The following GPC5 variants were observed in gnomAD, a reference collection of about 807,000 sequenced individuals.
GPC5 encodes the protein glypican-5.
GPC5 carries 47 observed loss-of-function variants against 53.9 expected under a neutral mutation model. The ratio of observed to expected loss-of-function variants is 0.87; its 90% CI spans 0.69 to 1.11. The LOEUF (loss-of-function observed/expected upper bound fraction) is 1.11, where lower values mean the gene tolerates loss of function less well. GPC5 is among the 50% of genes most tolerant of loss of function. GPC5 has a pLI of 0.00. For synonymous variants in GPC5, 286 were observed against 263.3 expected (o/e 1.09, Z -0.84); for missense variants, 748 against 713.1 (o/e 1.05, Z -0.56).
chr13:92,464,495 A>G (rs1259423680), intron 7 of GPC5, among the ~76,000 whole-genome samples: 1 of 152,054 alleles, frequency 6.6e-6, no homozygotes, highest in African/African-American at 2.4e-5. Context: ...TTCATCCATT[A>G]ACCCTAAAGA....
At chr13:92,096,792 A>G (rs1447856443) in intron 6 of GPC5, among the ~76,000 whole-genome samples, 2 of 152,200 alleles carry the variant, frequency 1.3e-5, no homozygotes, top group Non-Finnish European at 2.9e-5. Context: ...ATACAGTGGC[A>G]TTTAAAAAAC....
chr13:92,487,234 A>T (rs1879588090), intron 7 of GPC5, among the ~76,000 whole-genome samples: 1 of 152,156 alleles, frequency 6.6e-6, no homozygotes, highest in Non-Finnish European at 1.5e-5. Context: ...CATGCAGTTA[A>T]CAGAATGTTT....
intron 7 of GPC5, among the ~76,000 whole-genome samples, chr13:92,789,497 C>T (rs1005987727): frequency 6.6e-6 from 1 of 152,126 alleles, no homozygotes; most frequent in Admixed American, 6.6e-5. Context: ...TTAACAAACT[C>T]AGGTCATTTA....
Position 91,410,536 on chromosome 13 carries a change from C to T in GPC5, c.163+11327C>T, listed in dbSNP as rs763359173. On this transcript the variant is annotated intron_variant, in intron 1 of 7. Transcript: ENST00000377067. ...AATTTTTTTGTATTTTTAGTAGAGA[C>T]GGGGTTTCACTGTGTTAGCCAGGAT... is the stretch of plus-strand genomic sequence containing the variant. Among the ~76,000 whole-genome samples the T allele has an allele frequency of 2.3e-3, 353 of 151,410 alleles. 1 individual carries two copies. Among genetic ancestry groups the T allele is most frequent in the African/African-American group, 7.6e-3 (314 of 41,354 alleles).
chr13:92,333,160 C>T (rs1355503095), intron 7 of GPC5, among the ~76,000 whole-genome samples: 1 of 152,084 alleles, frequency 6.6e-6, no homozygotes, highest in Non-Finnish European at 1.5e-5. Context: ...TTAAAAACTC[C>T]AGGGGAACCC....
At chr13:92,702,373 A>C (rs72641054) in intron 7 of GPC5, among the ~76,000 whole-genome samples, 10,883 of 152,002 alleles carry the variant, frequency 0.072, 548 homozygotes, top group Admixed American at 0.13. Context: ...CAGCATCTTA[A>C]ATTTCCAAAG....
At chr13:92,589,503 CTTTT>C (rs1309584270) in intron 7 of GPC5, among the ~76,000 whole-genome samples, 1 of 152,098 alleles carries the variant, frequency 6.6e-6, no homozygotes. Context: ...ATCATGATTT[CTTTT>C]ATTTTAAAAT....
At chr13:92,551,097 C>G (rs960225243) in intron 7 of GPC5, among the ~76,000 whole-genome samples, 2 of 151,764 alleles carry the variant, frequency 1.3e-5, no homozygotes, top group African/African-American at 4.8e-5. Flanking sequence ...TAGTTATATT[C>G]ATAGTTATGT....
chr13:92,162,710 A>G (rs1330308906), intron 7 of GPC5, among the ~76,000 whole-genome samples: 1 of 152,198 alleles, frequency 6.6e-6, no homozygotes, highest in African/African-American at 2.4e-5. Flanking sequence ...TCATGTATTA[A>G]AACCTTTCAA....
chr13:92,557,915 C>T (rs1445692379), intron 7 of GPC5, among the ~76,000 whole-genome samples: 5 of 151,894 alleles, frequency 3.3e-5, no homozygotes, highest in Non-Finnish European at 5.9e-5. Flanking sequence ...CCTGGAATAT[C>T]AGAAAATGTT....
chr13:91,421,750 C>G (rs928752544), intron 1 of GPC5, among the ~76,000 whole-genome samples: 1 of 152,202 alleles, frequency 6.6e-6, no homozygotes, highest in Non-Finnish European at 1.5e-5. Flanking sequence ...TTTACTAACA[C>G]CTTTTGGCTC....
At chr13:92,364,684 C>A (rs979548804) in intron 7 of GPC5, among the ~76,000 whole-genome samples, 1 of 151,676 alleles carries the variant, frequency 6.6e-6, no homozygotes, top group Non-Finnish European at 1.5e-5. Flanking sequence ...GAGCCTAGAT[C>A]GCGCCACTGC....
At chr13:91,900,914 G>A (rs532308997) in intron 5 of GPC5, among the ~76,000 whole-genome samples, 1 of 152,158 alleles carries the variant, frequency 6.6e-6, no homozygotes, top group South Asian at 2.1e-4. Context: ...CCTGCCACCT[G>A]ACTAAACTGG....
intron 6 of GPC5, among the ~76,000 whole-genome samples, chr13:92,081,912 G>A (rs2041298936): frequency 6.6e-6 from 1 of 152,114 alleles, no homozygotes; most frequent in Non-Finnish European, 1.5e-5. Flanking sequence ...GAACATAATA[G>A]TGTAAAATAG....
intron 7 of GPC5, among the ~76,000 whole-genome samples, chr13:92,714,515 A>G (rs1888259697): frequency 6.6e-6 from 1 of 152,230 alleles, no homozygotes; most frequent in Non-Finnish European, 1.5e-5. Flanking sequence ...ACAGAAACAT[A>G]GAAAATTTCA....
At chr13:92,429,693 T>C (rs1313505694) in intron 7 of GPC5, among the ~76,000 whole-genome samples, 1 of 152,078 alleles carries the variant, frequency 6.6e-6, no homozygotes, top group Non-Finnish European at 1.5e-5. Context: ...AATCTAGAAT[T>C]TGGATGTATA....
At chr13:91,536,339 T>C (rs577869120) in intron 2 of GPC5, among the ~76,000 whole-genome samples, 2 of 152,308 alleles carry the variant, frequency 1.3e-5, no homozygotes, top group South Asian at 4.1e-4. Flanking sequence ...GAACTTCCCC[T>C]AGTGTCATCT....
chr13:91,891,628 A>G (rs1281061880), intron 5 of GPC5, among the ~76,000 whole-genome samples: 2 of 152,168 alleles, frequency 1.3e-5, no homozygotes, highest in African/African-American at 2.4e-5. Context: ...CCAAATTGCT[A>G]TACACTACCA....
intron 7 of GPC5, among the ~76,000 whole-genome samples, chr13:92,646,106 T>C (rs1040829490): frequency 2.0e-5 from 3 of 152,126 alleles, no homozygotes; most frequent in African/African-American, 4.8e-5. Context: ...TTCCTAACCA[T>C]GTTCATAAAG....
Sources: allele counts gnomAD v4.1 joint callset (sites outside exome capture counted in the v4.1 genomes callset), GRCh38; gene constraint gnomAD v4.1.1; transcripts MANE v1.5; gene names NCBI Gene and HGNC (gene_info 2026-07-23, HGNC 2026-07-21).